Variants in SNX33 observed in about 807,000 individuals in gnomAD.
The protein encoded by SNX33 is sorting nexin-33.
In SNX33, 19 loss-of-function variants were observed where a neutral mutation model predicts 38.8. The observed-to-expected ratio is 0.49, with a 90% CI of 0.34 to 0.72. SNX33 has a LOEUF of 0.72. Ranked by LOEUF, SNX33 falls within the 30% of genes least tolerant of loss-of-function variation. The pLI is 0.01. For missense variants in SNX33, 641 were observed against 776.4 expected (o/e 0.83, Z 2.07); for synonymous variants, 246 against 289.7 (o/e 0.85, Z 1.53).
chr15:75,655,710 A>G (rs1893644722), intron 1 of SNX33, among the ~76,000 whole-genome samples: 1 of 152,206 alleles, frequency 6.6e-6, no homozygotes. Context: ...TATTATCTAG[A>G]CAGCCCTCAA....
rs764601891 is a variant in SNX33, at chr15:75,650,269, C to T, written c.1167C>T (p.Asp389=). Reference sequence around the variant, plus strand: ...TCAAGGCCTTCAGTAAGAAGATGGACGACAGCGTCCTGCAGCTCAGCACTG... The same window carrying T: ...TCAAGGCCTTCAGTAAGAAGATGGATGACAGCGTCCTGCAGCTCAGCACTG... ...DTFKAFSKKM[D]DSVLQLSTVA... The change falls in exon 1 of 2, where the codon GAC becomes GAT. Residue 389 remains aspartate (D), a synonymous_variant. Transcript: ENST00000308527. This position sits in a 1 kb window ranked among gnomAD's most constrained non-coding sequence, Gnocchi z 6.1. 21 of 1,586,808 alleles carry T rather than the reference C, an allele frequency of 1.3e-5. No individual in the cohort carries two copies. Among genetic ancestry groups the T allele is most frequent in the Admixed American group, 5.2e-5 (3 of 57,654 alleles).
chr15:75,652,011 T>G (rs1202044604), intron 1 of SNX33, among the ~76,000 whole-genome samples: 1 of 151,176 alleles, frequency 6.6e-6, no homozygotes, highest in Non-Finnish European at 1.5e-5. Flanking sequence ...TTTCTGTTTT[T>G]TTTTTTTTTT....
At chr15:75,654,693 G>A (rs561428298) in intron 1 of SNX33, among the ~76,000 whole-genome samples, 52 of 152,358 alleles carry the variant, frequency 3.4e-4, no homozygotes, top group African/African-American at 1.2e-3. Context: ...GGGGTGGGGT[G>A]CATTAGCATT....
At chr15:75,656,056 C>T (rs1231673464) in intron 1 of SNX33, among the ~76,000 whole-genome samples, 1 of 152,192 alleles carries the variant, frequency 6.6e-6, no homozygotes, top group Admixed American at 6.5e-5. Flanking sequence ...TCTCCACCCC[C>T]CATCTGTCAC....
intron 1 of SNX33, among the ~76,000 whole-genome samples, chr15:75,652,296 C>T (rs1343499840): frequency 1.3e-5 from 2 of 152,186 alleles, no homozygotes; most frequent in African/African-American, 4.8e-5. Context: ...AGGAGTAGGG[C>T]AGGGGAGGTG....
rs570314174 is a variant in SNX33, at chr15:75,650,351, C to A, written c.1249C>A (p.Leu417Met). ...VGGFRKEFQK[L>M]GSAFQAISHS... ...GGGCTTCCGCAAGGAATTCCAGAAG[C>A]TGGGCAGTGCCTTCCAGGCCATCAG... Residue 417 changes from leucine (L) to methionine (M), a missense_variant, in exon 1 of 2, where the codon CTG becomes ATG. By Grantham distance (15) the Leu-to-Met change is conservative (BLOSUM62 2). Transcript: ENST00000308527. The surrounding 1 kb of genome is among the most constrained non-coding windows in gnomAD (Gnocchi z 6.1). The A allele has an allele frequency of 7.2e-5, 115 of 1,605,194 alleles. No homozygotes were observed. Among genetic ancestry groups the A allele is most frequent in the Non-Finnish European group, 9.7e-5 (114 of 1,174,982 alleles).
chr15:75,648,073 A>C lies in SNX33; in HGVS notation c.-1030A>C, dbSNP rs902836448. 7.1e-6 allele frequency: 7 copies of C among 985,408 alleles called. No homozygotes were observed. The highest frequency in any genetic ancestry group is 8.4e-6 in the Non-Finnish European group (7 of 829,922). 61.0% of individuals were successfully genotyped at this position (985,408 alleles called of 1,614,324 possible). A position where few individuals can be genotyped will look rare whatever the true frequency, so the allele number is the denominator to read the frequency against. On this transcript the variant is annotated 5_prime_UTR_variant, in exon 1 of 2. Transcript: ENST00000308527. The surrounding 1 kb of genome is among the most constrained non-coding windows in gnomAD (Gnocchi z 4.4). The stretch of plus-strand genomic sequence containing the variant: ...GCTGGCCGCGCCATCTGCTCGCCGG[A>C]GCTCACTCTCCAAACTCCAAACTGT...
Position 75,648,822 on chromosome 15 carries a change from C to A in SNX33, c.-281C>A, listed in dbSNP as rs1380065674. 1 of 336,612 alleles carries A rather than the reference C, an allele frequency of 3.0e-6. No individual in the cohort carries two copies. The highest frequency in any genetic ancestry group is 4.9e-5 in the Admixed American group (1 of 20,560). 20.9% of individuals were successfully genotyped at this position (336,612 alleles called of 1,614,324 possible). ...TAGGAGAGATTCCCCTCTAACCCCCCAGAGGCTGCTAAGGGAGGAGGAGAC... is the reference window on the plus strand; with the variant it reads ...TAGGAGAGATTCCCCTCTAACCCCCAAGAGGCTGCTAAGGGAGGAGGAGAC... On this transcript the variant is annotated 5_prime_UTR_variant, in exon 1 of 2. Coordinates refer to ENST00000308527, the MANE Select transcript of SNX33 (RefSeq NM_153271.2). The surrounding 1 kb of genome is among the most constrained non-coding windows in gnomAD (Gnocchi z 4.4).
At position 75,648,075 on chromosome 15, in the gene SNX33, C is replaced by G. The variant is rs1949252861; in HGVS notation, c.-1028C>G. 1.0e-6 allele frequency: 1 copy of G among 985,326 alleles called. No homozygotes were observed. The highest frequency in any genetic ancestry group is 1.7e-5 in the African/African-American group (1 of 57,234). 61.0% of individuals were successfully genotyped at this position (985,326 alleles called of 1,614,324 possible). A position where few individuals can be genotyped will look rare whatever the true frequency, so the allele number is the denominator to read the frequency against. ...TGGCCGCGCCATCTGCTCGCCGGAG[C>G]TCACTCTCCAAACTCCAAACTGTTG... On this transcript the variant is annotated 5_prime_UTR_variant, in exon 1 of 2. Coordinates refer to ENST00000308527, the MANE Select transcript of SNX33 (RefSeq NM_153271.2). The surrounding 1 kb of genome is among the most constrained non-coding windows in gnomAD (Gnocchi z 4.4).
intron 1 of SNX33, among the ~76,000 whole-genome samples, chr15:75,651,753 T>A (rs557370171): frequency 3.3e-5 from 5 of 152,340 alleles, no homozygotes; most frequent in South Asian, 4.1e-4. Context: ...CTGCAGGGCG[T>A]GGAGCTGGCT....
chr15:75,651,777 G>T (rs890036632), intron 1 of SNX33, among the ~76,000 whole-genome samples: 8 of 152,234 alleles, frequency 5.3e-5, no homozygotes, highest in African/African-American at 1.9e-4. Context: ...TGGCCCTTGG[G>T]CCCTGAGGTT....
chr15:75,648,529 A>G lies in SNX33; in HGVS notation c.-574A>G. The G allele has an allele frequency of 1.0e-6, 1 of 985,278 alleles. No individual in the cohort carries two copies. The highest frequency in any genetic ancestry group is 1.2e-6 in the Non-Finnish European group (1 of 829,930). The allele number at this position is 985,278 out of a possible 1,614,324, so 61.0% of individuals were successfully genotyped here. ...TCCTTGCCCCTCTTGGATTTTCCGGATTTTTGAAAACCCAGTGGCCCAGGA... is the reference window on the plus strand; with the variant it reads ...TCCTTGCCCCTCTTGGATTTTCCGGGTTTTTGAAAACCCAGTGGCCCAGGA... On this transcript the variant is annotated 5_prime_UTR_variant, in exon 1 of 2. Transcript: ENST00000308527. The surrounding 1 kb of genome is among the most constrained non-coding windows in gnomAD (Gnocchi z 4.4).
In SNX33 at chr15:75,649,280, C is replaced by T. The variant is rs371622892; in HGVS notation, c.178C>T (p.Arg60Cys). The T allele has an allele frequency of 1.1e-4, 183 of 1,612,468 alleles. No individual in the cohort carries two copies. Among genetic ancestry groups the T allele is most frequent in the Non-Finnish European group, 1.5e-4 (175 of 1,179,136 alleles). The change falls in exon 1 of 2, where the codon CGT becomes TGT. Residue 60 changes from arginine (R) to cysteine (C), a missense_variant. Arg to Cys is a radical substitution (Grantham distance 180). Around this residue, in one of 2 missense-constraint regions of SNX33, gnomAD observed 243 missense variants for 233.9 expected, o/e 1.04. Transcript: ENST00000308527. This position sits in a 1 kb window ranked among gnomAD's most constrained non-coding sequence, Gnocchi z 6.6. ...TCCTGCCTCTTATGTGGAGATCGTCCGTTCTGGCATCAGCACCAACCATGC... is the reference window on the plus strand; with the variant it reads ...TCCTGCCTCTTATGTGGAGATCGTCTGTTCTGGCATCAGCACCAACCATGC... ...LFPASYVEIV[R>C]SGISTNHADY...
In SNX33 at chr15:75,649,409, C is replaced by T; in HGVS notation, c.307C>T (p.Leu103Phe). Residue 103 changes from leucine to phenylalanine, a missense_variant, in exon 1 of 2, where the codon CTC becomes TTC. Coordinates refer to ENST00000308527, the MANE Select transcript of SNX33 (RefSeq NM_153271.2). The surrounding 1 kb of genome is among the most constrained non-coding windows in gnomAD (Gnocchi z 6.6). Reference sequence around the variant, plus strand: ...TAGGAGTGGTGGGGGCAGTGGCTTCCTCTCAAACCAGGGTAGCTTTGAGGA... The same window carrying T: ...TAGGAGTGGTGGGGGCAGTGGCTTCTTCTCAAACCAGGGTAGCTTTGAGGA... ...PARSGGGSGFLSNQGSFEEDD... is the reference protein window; with the variant it reads ...PARSGGGSGFFSNQGSFEEDD... 1 of 1,539,654 alleles carries T rather than the reference C, an allele frequency of 6.5e-7. No homozygotes were observed. The highest frequency in any genetic ancestry group is 1.3e-5 in the South Asian group (1 of 79,032).
chr15:75,658,559 G>A lies in SNX33; in HGVS notation c.*1344G>A, dbSNP rs1208279614. ...GTCACCACTGCCCCCCTTGCCCCCG[G>A]GGGGGTCATGGTCTCCTCCTGGATG... On this transcript the variant is annotated 3_prime_UTR_variant, in exon 2 of 2. Transcript: ENST00000308527. The surrounding 1 kb of genome is among the most constrained non-coding windows in gnomAD (Gnocchi z 4.1). 6.6e-6 allele frequency: 1 copy of A among 152,608 alleles called. No homozygotes were observed. Among genetic ancestry groups the A allele is most frequent in the Non-Finnish European group, 1.5e-5 (1 of 68,032 alleles). The allele number at this position is 152,608 out of a possible 1,614,324, so 9.5% of individuals were successfully genotyped here.
chr15:75,654,168 G>A (rs565357934), intron 1 of SNX33, among the ~76,000 whole-genome samples: 2 of 151,312 alleles, frequency 1.3e-5, no homozygotes, highest in African/African-American at 4.9e-5. Context: ...AGCTTCTATT[G>A]TATCTCAGGT....
rs1479466280 is a variant in SNX33 at position 75,648,444 on chromosome 15, G to C, written c.-659G>C. ...CCTCAGTCCTTGTTTTCCCGGCCTGGCTCGTTGTGAAGCCGGACACATCCA... is the reference window on the plus strand; with the variant it reads ...CCTCAGTCCTTGTTTTCCCGGCCTGCCTCGTTGTGAAGCCGGACACATCCA... On this transcript the variant is annotated 5_prime_UTR_variant, in exon 1 of 2. Coordinates refer to ENST00000308527, the MANE Select transcript of SNX33 (RefSeq NM_153271.2). The surrounding 1 kb of genome is among the most constrained non-coding windows in gnomAD (Gnocchi z 4.4). 3 of 985,264 alleles carry C rather than the reference G, an allele frequency of 3.0e-6. No homozygotes were observed. In the African/African-American group the frequency reaches 5.2e-5, roughly 17 times the overall value. The allele number at this position is 985,264 out of a possible 1,614,324, so 61.0% of individuals were successfully genotyped here.
At chr15:75,653,377 C>G (rs1259607374) in intron 1 of SNX33, among the ~76,000 whole-genome samples, 1 of 152,202 alleles carries the variant, frequency 6.6e-6, no homozygotes, top group Non-Finnish European at 1.5e-5. Context: ...GGGAAAGTAA[C>G]TGTCCAGGGC....
intron 1 of SNX33, among the ~76,000 whole-genome samples, chr15:75,653,157 A>G (rs1285748493): frequency 6.6e-6 from 1 of 152,180 alleles, no homozygotes; most frequent in Non-Finnish European, 1.5e-5. Context: ...ACTTACATTA[A>G]ACAAATTTGT....
Sources: allele counts gnomAD v4.1 joint callset (sites outside exome capture counted in the v4.1 genomes callset), GRCh38; gene constraint gnomAD v4.1.1; regional missense constraint gnomAD v4.1.1; non-coding constraint Gnocchi (gnomAD v3.1); transcripts MANE v1.5; gene names NCBI Gene and HGNC (gene_info 2026-07-23, HGNC 2026-07-21).